The following GALNT13 variants were observed in gnomAD, a reference collection of about 807,000 sequenced individuals.
The protein encoded by GALNT13 is polypeptide N-acetylgalactosaminyltransferase 13, also known as UDP-GalNAc:polypeptide N-acetylgalactosaminyltransferase 13.
GALNT13 carries 28 observed loss-of-function variants against 64.2 expected under a neutral mutation model. That is an observed-to-expected ratio of 0.44 (90% CI 0.32 to 0.60). The LOEUF is 0.60. GALNT13 is among the 20% of genes least tolerant of loss of function. The pLI, the probability that GALNT13 is intolerant of heterozygous loss-of-function variation, is 0.05. For synonymous variants in GALNT13, 214 were observed against 224.6 expected (o/e 0.95, Z 0.42); for missense variants, 577 against 669.8 (o/e 0.86, Z 1.53).
chr2:154,164,323 T>C (rs542002073), intron 4 of GALNT13, among the ~76,000 whole-genome samples: 1 of 152,274 alleles, frequency 6.6e-6, no homozygotes, highest in Non-Finnish European at 1.5e-5. Context: ...TGCTTAAATA[T>C]AAGTGAAATA....
the GALNT13 span, among the ~76,000 whole-genome samples, chr2:153,356,837 G>A: frequency 1.8e-5 from 2 of 112,264 alleles, no homozygotes; most frequent in African/African-American, 6.9e-5. Context: ...TTGCTCTGTC[G>A]CCCAGGCTGG....
At chr2:153,829,691 G>T in the GALNT13 span, among the ~76,000 whole-genome samples, 4 of 152,106 alleles carry the variant, frequency 2.6e-5, no homozygotes, top group African/African-American at 7.2e-5. Context: ...GCTCAGGAAA[G>T]AGGTCAAAAA....
the GALNT13 span, among the ~76,000 whole-genome samples, chr2:153,593,707 C>T: frequency 6.6e-6 from 1 of 152,102 alleles, no homozygotes; most frequent in African/African-American, 2.4e-5. Flanking sequence ...TTTCTTACAG[C>T]ACAAATTCCT....
intron 3 of GALNT13, among the ~76,000 whole-genome samples, chr2:154,029,191 A>C (rs1437993998): frequency 1.1e-5 from 1 of 91,716 alleles, no homozygotes; most frequent in Admixed American, 1.0e-4. Flanking sequence ...TGTAAATCAA[A>C]AAAAAAAAAA....
the GALNT13 span, among the ~76,000 whole-genome samples, chr2:153,353,052 A>G: frequency 6.6e-6 from 1 of 152,100 alleles, no homozygotes; most frequent in Admixed American, 6.5e-5. Context: ...AAGAACTGAC[A>G]TCTTGACATT....
intron 4 of GALNT13, among the ~76,000 whole-genome samples, chr2:154,161,332 G>T (rs999482871): frequency 5.3e-5 from 8 of 151,924 alleles, no homozygotes; most frequent in Non-Finnish European, 7.4e-5. Flanking sequence ...AGATCTAAAA[G>T]TTCATGACAA....
chr2:153,480,273 C>T, the GALNT13 span, among the ~76,000 whole-genome samples: 1 of 152,170 alleles, frequency 6.6e-6, no homozygotes, highest in East Asian at 1.9e-4. Flanking sequence ...ATCATTTATT[C>T]CATCTTCAGA....
intron 3 of GALNT13, among the ~76,000 whole-genome samples, chr2:153,992,884 G>C (rs1348195642): frequency 1.3e-5 from 2 of 152,104 alleles, no homozygotes; most frequent in Non-Finnish European, 2.9e-5. Flanking sequence ...GATGCTTATA[G>C]AAGTAAACTA....
the GALNT13 span, among the ~76,000 whole-genome samples, chr2:153,608,427 A>C: frequency 5.3e-5 from 8 of 152,046 alleles, no homozygotes; most frequent in Non-Finnish European, 1.2e-4. Flanking sequence ...AAAAAGAGAA[A>C]TATTTTGTTG....
intron 9 of GALNT13, among the ~76,000 whole-genome samples, chr2:154,367,004 T>C (rs1379597404): frequency 6.6e-6 from 1 of 152,176 alleles, no homozygotes; most frequent in Non-Finnish European, 1.5e-5. Context: ...GGTTGGACAC[T>C]GTGAAATGAA....
chr2:153,497,850 G>A, the GALNT13 span, among the ~76,000 whole-genome samples: 1 of 152,008 alleles, frequency 6.6e-6, no homozygotes, highest in African/African-American at 2.4e-5. Context: ...GTTTCTCCCA[G>A]TATCTTTTAG....
intron 1 of GALNT13, among the ~76,000 whole-genome samples, chr2:153,894,145 A>G (rs1214265673): frequency 6.6e-6 from 1 of 152,016 alleles, no homozygotes; most frequent in Non-Finnish European, 1.5e-5. Context: ...ACTGCTTGGA[A>G]CAATCATTTT....
chr2:154,383,245 C>A (rs975685491), intron 9 of GALNT13, among the ~76,000 whole-genome samples: 2 of 151,844 alleles, frequency 1.3e-5, no homozygotes, highest in African/African-American at 4.8e-5. Context: ...TAATGGGTAA[C>A]ATTTAGTGAG....
chr2:153,884,902 C>T (rs573966822), intron 1 of GALNT13, among the ~76,000 whole-genome samples: 2 of 140,500 alleles, frequency 1.4e-5, no homozygotes, highest in Non-Finnish European at 3.1e-5. Flanking sequence ...AGCCGAGCGT[C>T]GTGGCACGCA....
In GALNT13 at chr2:154,247,553, C is replaced by T. The variant is rs527246168; in HGVS notation, c.857+1571C>T. On this transcript the variant is annotated intron_variant, in intron 7 of 12. Coordinates refer to ENST00000392825, the MANE Select transcript of GALNT13 (RefSeq NM_052917.4). ...TTATTTATGTTCTCACAGAGTCAAACGGAAGATAACTAAGAGGTAGCCAGC... is the reference window on the plus strand; with the variant it reads ...TTATTTATGTTCTCACAGAGTCAAATGGAAGATAACTAAGAGGTAGCCAGC... Among the ~76,000 whole-genome samples the T allele has an allele frequency of 5.3e-5, 8 of 151,932 alleles. No individual in the cohort carries two copies. The South Asian group carries it at 8.3e-4, about 16-fold the overall frequency.
At chr2:154,192,087 C>G (rs1489728642) in intron 4 of GALNT13, among the ~76,000 whole-genome samples, 2 of 152,204 alleles carry the variant, frequency 1.3e-5, no homozygotes. Flanking sequence ...GGCTGCTCAG[C>G]AGCCAGGCTC....
At chr2:153,085,661 A>T in the GALNT13 span, among the ~76,000 whole-genome samples, 1 of 152,136 alleles carries the variant, frequency 6.6e-6, no homozygotes, top group Non-Finnish European at 1.5e-5. Context: ...ATGTATTAAG[A>T]TGCCTGGATA....
upstream of GALNT13, among the ~76,000 whole-genome samples, chr2:153,867,589 T>A (rs1425371103): frequency 6.6e-6 from 1 of 152,112 alleles, no homozygotes; most frequent in Non-Finnish European, 1.5e-5. Context: ...TTTAAGCACA[T>A]GACGTTTATT....
At chr2:153,174,467 A>AT in the GALNT13 span, among the ~76,000 whole-genome samples, 1,902 of 136,564 alleles carry the variant, frequency 0.014, 6 homozygotes, top group African/African-American at 0.019. Context: ...CACATTTTCT[A>AT]TTTTTTTTTT....
Sources: allele counts gnomAD v4.1 joint callset (sites outside exome capture counted in the v4.1 genomes callset), GRCh38; gene constraint gnomAD v4.1.1; transcripts MANE v1.5; gene names NCBI Gene and HGNC (gene_info 2026-07-23, HGNC 2026-07-21).